The following EPRS1 variants were observed in gnomAD, a reference collection of about 807,000 sequenced individuals.
EPRS1 encodes the protein bifunctional glutamate/proline--tRNA ligase.
In EPRS1, 107 loss-of-function variants were observed where a neutral mutation model predicts 188.3. The ratio of observed to expected loss-of-function variants is 0.57; its 90% CI spans 0.49 to 0.67. EPRS1 has a LOEUF of 0.67. Among genes scored for constraint, EPRS1 ranks in the 30% least tolerant of loss-of-function variants. EPRS1 has a pLI of 0.00. For missense variants in EPRS1, 1,577 were observed against 1,802.2 expected (o/e 0.88, Z 2.26); for synonymous variants, 596 against 593.1 (o/e 1.00, Z -0.07).
rs371680024 is a variant in EPRS1 at position 219,973,333 on chromosome 1, T to C, written c.4149A>G (p.Arg1383=). 5.0e-6 allele frequency: 8 copies of C among 1,612,430 alleles called. No homozygotes were observed. Among genetic ancestry groups the C allele is most frequent in the African/African-American group, 1.3e-5 (1 of 74,340 alleles). Residue 1383 remains arginine, a synonymous_variant, in exon 29 of 32, where the codon AGA becomes AGG. Coordinates refer to ENST00000366923, the MANE Select transcript of EPRS1 (RefSeq NM_004446.3). Reference sequence around the variant, plus strand: ...CTGTCAGCTTTTCTCCAGTATCTCGTCTGACGGCTACAAACTGACAGCTCT... The same window carrying C: ...CTGTCAGCTTTTCTCCAGTATCTCGCCTGACGGCTACAAACTGACAGCTCT... ...DMKSCQFVAV[R]RDTGEKLTVA... is the part of the protein sequence containing the mutation.
intron 29 of EPRS1, 113 bp downstream of exon 29, chr1:219,973,125 A>G: frequency 2.4e-6 from 2 of 818,926 alleles, no homozygotes; most frequent in South Asian, 1.8e-5. Flanking sequence ...ATGGGGGTTC[A>G]GAGGGAGGGA....
At chr1:220,017,939 C>A (rs1438764627) in intron 12 of EPRS1, among the ~76,000 whole-genome samples, 1 of 152,150 alleles carries the variant, frequency 6.6e-6, no homozygotes, top group Non-Finnish European at 1.5e-5. Flanking sequence ...TCCCAATATT[C>A]CCCTTGGCAC....
At chr1:219,991,122 T>A (rs1369327768) in intron 18 of EPRS1, among the ~76,000 whole-genome samples, 2 of 150,656 alleles carry the variant, frequency 1.3e-5, no homozygotes, top group Non-Finnish European at 3.0e-5. Context: ...AAATGGACAA[T>A]TTTTTTTTAT....
intron 5 of EPRS1, among the ~76,000 whole-genome samples, chr1:220,030,960 C>T (rs767680700): frequency 1.3e-4 from 19 of 151,936 alleles, no homozygotes; most frequent in Non-Finnish European, 2.4e-4. Flanking sequence ...GGCCTGGCGG[C>T]GTGCACCTGT....
intron 1 of EPRS1, 140 bp downstream of exon 1, chr1:220,046,203 T>A: frequency 1.0e-6 from 1 of 989,762 alleles, no homozygotes; most frequent in South Asian, 1.6e-5. Context: ...CTCCTCCACG[T>A]ACAATTCTGG....
In EPRS1 at chr1:219,984,385, C is replaced by T. The variant is rs576140851; in HGVS notation, c.3039-128G>A. The T allele has an allele frequency of 1.7e-5, 12 of 698,538 alleles. No homozygotes were observed. The African/African-American group carries it at 2.2e-4, about 13-fold the overall frequency. 43.3% of individuals were successfully genotyped at this position (698,538 alleles called of 1,614,324 possible). A position where few individuals can be genotyped will look rare whatever the true frequency, so the allele number is the denominator to read the frequency against. On this transcript the variant is annotated intron_variant, in intron 20 of 31. Coordinates refer to ENST00000366923, the MANE Select transcript of EPRS1 (RefSeq NM_004446.3). ...GTATGAGTTATTTCTGTATTTGTAA[C>T]TCTTCTATATTCATTCCCAAGATAA...
intron 28 of EPRS1, 143 bp from the exon 29 acceptor site, chr1:219,973,541 A>AC: frequency 1.9e-6 from 1 of 528,774 alleles, no homozygotes; most frequent in Non-Finnish European, 3.2e-6. Flanking sequence ...GAAAAAAAAA[A>AC]AACAGGTAAT....
At chr1:220,004,744 T>TA (rs1051983662) in intron 16 of EPRS1, among the ~76,000 whole-genome samples, 2 of 151,688 alleles carry the variant, frequency 1.3e-5, no homozygotes, top group East Asian at 1.9e-4. Flanking sequence ...AGATATCACT[T>TA]AAAAAAATAG....
chr1:220,037,795 C>T (rs1015726846), intron 2 of EPRS1, among the ~76,000 whole-genome samples: 2 of 152,060 alleles, frequency 1.3e-5, no homozygotes, highest in Admixed American at 6.6e-5. Flanking sequence ...CCTGAAGTCA[C>T]ATAGAAAAGT....
chr1:220,038,385 T>C (rs1173746013), intron 2 of EPRS1, among the ~76,000 whole-genome samples: 1 of 88,312 alleles, frequency 1.1e-5, no homozygotes, highest in Non-Finnish European at 2.1e-5. Context: ...CCCAGCTCAG[T>C]TTATCTTTTT....
intron 18 of EPRS1, among the ~76,000 whole-genome samples, chr1:219,994,873 C>G (rs967987901): frequency 6.6e-6 from 1 of 151,936 alleles, no homozygotes. Context: ...AGGATGGTCT[C>G]GATCTCCTGA....
chr1:220,042,555 G>A (rs1241658793), intron 1 of EPRS1, among the ~76,000 whole-genome samples: 1 of 151,512 alleles, frequency 6.6e-6, no homozygotes, highest in Non-Finnish European at 1.5e-5. Context: ...TGGCAAATCA[G>A]GGTAATGACA....
intron 23 of EPRS1, 63 bp from the exon 24 acceptor site, chr1:219,981,520 C>G (rs1429887485): frequency 2.3e-6 from 2 of 869,372 alleles, no homozygotes; most frequent in Non-Finnish European, 3.6e-6. Flanking sequence ...AGGGATGTAA[C>G]AGCTAAACCA....
chr1:220,036,144 G>A (rs946053823), intron 2 of EPRS1, among the ~76,000 whole-genome samples: 1 of 152,190 alleles, frequency 6.6e-6, no homozygotes, highest in Non-Finnish European at 1.5e-5. Context: ...AGGTTGCAGT[G>A]AGCCAAGATC....
At chr1:220,007,127 G>A in intron 14 of EPRS1, 75 bp downstream of exon 14, 2 of 1,314,552 alleles carry the variant, frequency 1.5e-6, no homozygotes, top group Non-Finnish European at 2.1e-6. Flanking sequence ...TCTGAATTTG[G>A]TAATGTTTAA....
At chr1:219,986,783 A>ATGTATG (rs113133677) in intron 20 of EPRS1, among the ~76,000 whole-genome samples, 1 of 150,156 alleles carries the variant, frequency 6.7e-6, no homozygotes, top group Non-Finnish European at 1.5e-5. Flanking sequence ...GAAAATATGT[A>ATGTATG]TGTGTGTGTG....
chr1:219,980,904 A>ATTT, intron 24 of EPRS1, 47 bp from the exon 25 acceptor site: 3 of 904,412 alleles, frequency 3.3e-6, no homozygotes, highest in Non-Finnish European at 5.0e-6. Flanking sequence ...GAGCTTTTCA[A>ATTT]TTTTTTTTTT....
intron 30 of EPRS1, among the ~76,000 whole-genome samples, chr1:219,971,099 T>A (rs1176264273): frequency 2.0e-5 from 3 of 152,144 alleles, no homozygotes; most frequent in Non-Finnish European, 4.4e-5. Flanking sequence ...GGAAAATGCA[T>A]TAAACCTAGT....
rs373381598 is a variant in EPRS1 at position 220,046,459 on chromosome 1, G to A, written c.-71C>T. ...CAGAACTACGGAGGACCCCGCGAAA[G>A]GAAGAAGATGCAACGTGTGCGCGTA... On this transcript the variant is annotated 5_prime_UTR_variant, in exon 1 of 32. Transcript: ENST00000366923. 3 of 1,595,978 alleles carry A rather than the reference G, an allele frequency of 1.9e-6. No individual in the cohort carries two copies. Among genetic ancestry groups the A allele is most frequent in the African/African-American group, 1.3e-5 (1 of 74,414 alleles).
Sources: gnomAD v4.1 joint callset for allele counts (sites outside exome capture counted in the v4.1 genomes callset) on GRCh38, gnomAD v4.1.1 for gene constraint, MANE v1.5 for transcripts, NCBI Gene and HGNC (gene_info 2026-07-23, HGNC 2026-07-21) for gene names.